TBC1D9: variants seen among roughly 807,000 people sequenced by gnomAD.
TBC1D9 encodes the protein TBC1 domain family member 9, also known as TBC1 domain family member 9A.
A neutral mutation model predicts 132.0 loss-of-function variants in TBC1D9; 63 were observed. That is an observed-to-expected ratio of 0.48 (90% CI 0.39 to 0.59). TBC1D9 has a LOEUF of 0.59. Among genes scored for constraint, TBC1D9 ranks in the 20% least tolerant of loss-of-function variants. TBC1D9 has a pLI of 0.00. For missense variants in TBC1D9, 1,261 were observed against 1,592.7 expected, an observed-to-expected ratio of 0.79 and a Z score of 3.54; for synonymous variants, 610 against 609.9, an observed-to-expected ratio of 1.00 and a Z score of 0.00.
chr4:140,701,861 A>G (rs899650339), intron 1 of TBC1D9, among the ~76,000 whole-genome samples: 2 of 152,140 alleles, frequency 1.3e-5, no homozygotes, highest in African/African-American at 4.8e-5. Flanking sequence ...TGTTATTTTC[A>G]TCTGCCCCAC....
intron 1 of TBC1D9, among the ~76,000 whole-genome samples, chr4:140,704,187 CAGG>C (rs1227805734): frequency 6.6e-6 from 1 of 151,968 alleles, no homozygotes; most frequent in Non-Finnish European, 1.5e-5. Flanking sequence ...CACTTGAGGC[CAGG>C]AGTTCAAGAC....
intron 13 of TBC1D9, among the ~76,000 whole-genome samples, chr4:140,646,994 C>T (rs1250645483): frequency 1.3e-5 from 2 of 152,150 alleles, no homozygotes; most frequent in Non-Finnish European, 2.9e-5. Flanking sequence ...GAAAGAAAAA[C>T]TTTCAAGGAA....
At chr4:140,725,125 G>A (rs1237647578) in intron 1 of TBC1D9, among the ~76,000 whole-genome samples, 1 of 152,100 alleles carries the variant, frequency 6.6e-6, no homozygotes, top group Non-Finnish European at 1.5e-5. Flanking sequence ...TATTGCAACA[G>A]TTTTATAGTA....
intron 1 of TBC1D9, among the ~76,000 whole-genome samples, chr4:140,727,669 C>T (rs185963526): frequency 1.3e-5 from 2 of 152,308 alleles, no homozygotes; most frequent in Admixed American, 1.3e-4. Context: ...TTGCTGAATA[C>T]AGTCTCTTAA....
chr4:140,624,442 G>GTAAGA (rs1736674502), intron 18 of TBC1D9, 54 bp from the exon 19 acceptor site: 1 of 1,502,558 alleles, frequency 6.7e-7, no homozygotes, highest in East Asian at 2.3e-5. Flanking sequence ...ATATGACCAT[G>GTAAGA]GAATTAGCAT....
chr4:140,725,756 C>T (rs1481757100), intron 1 of TBC1D9, among the ~76,000 whole-genome samples: 1 of 151,818 alleles, frequency 6.6e-6, no homozygotes, highest in African/African-American at 2.4e-5. Context: ...GAAAAAAGCA[C>T]GGTATGGAAA....
At chr4:140,711,752 T>C (rs891819544) in intron 1 of TBC1D9, among the ~76,000 whole-genome samples, 2 of 152,188 alleles carry the variant, frequency 1.3e-5, no homozygotes, top group African/African-American at 4.8e-5. Flanking sequence ...ACCTAGCATA[T>C]GAAAAACAGC....
At chr4:140,687,343 CATATATATATATATATATATAT>C (rs200090051) in intron 2 of TBC1D9, among the ~76,000 whole-genome samples, 1,401 of 37,874 alleles carry the variant, frequency 0.037, 49 homozygotes, top group African/African-American at 0.069. Context: ...GTGTGTGTGT[CATATATATATATATATATATAT>C]ATATATATAT....
Position 140,661,918 on chromosome 4 carries a change from C to A in TBC1D9, c.1778G>T (p.Arg593Leu). The A allele has an allele frequency of 1.2e-6, 2 of 1,613,800 alleles. No individual in the cohort carries two copies. Among genetic ancestry groups the A allele is most frequent in the East Asian group, 2.2e-5 (1 of 44,876 alleles). Residue 593 changes from arginine (R) to leucine (L), a missense_variant, in exon 10 of 21, where the codon CGA (arginine) becomes CTA (leucine). By Grantham distance (102) the Arg-to-Leu change is moderately radical (BLOSUM62 -2). This residue lies in a region of TBC1D9 where 93 missense variants were observed against 169.2 expected (regional missense o/e 0.55). Coordinates refer to ENST00000442267, the MANE Select transcript of TBC1D9 (RefSeq NM_015130.3). ...LRRVLTAYAF[R>L]NPNIGYCQAM... ...CTGGCAATACCCTATGTTGGGATTTCGAAAAGCATAAGCTGTTAAGACTCT... is the reference window on the plus strand; with the variant it reads ...CTGGCAATACCCTATGTTGGGATTTAGAAAAGCATAAGCTGTTAAGACTCT...
intron 1 of TBC1D9, among the ~76,000 whole-genome samples, chr4:140,755,150 C>T (rs1392683954): frequency 6.6e-6 from 1 of 152,122 alleles, no homozygotes; most frequent in Non-Finnish European, 1.5e-5. Context: ...TCCAATTTCT[C>T]TAGTATGGTA....
chr4:140,744,693 G>C (rs568823716), intron 1 of TBC1D9, among the ~76,000 whole-genome samples: 3 of 151,916 alleles, frequency 2.0e-5, no homozygotes, highest in Non-Finnish European at 4.4e-5. Flanking sequence ...AGACCAGCTT[G>C]ACTAACATAG....
chr4:140,703,343 A>G (rs1162336687), intron 1 of TBC1D9, among the ~76,000 whole-genome samples: 1 of 152,210 alleles, frequency 6.6e-6, no homozygotes, highest in African/African-American at 2.4e-5. Flanking sequence ...GGTTCTGGCC[A>G]TACCAAATAA....
At chr4:140,729,959 C>T (rs900765130) in intron 1 of TBC1D9, among the ~76,000 whole-genome samples, 2 of 152,060 alleles carry the variant, frequency 1.3e-5, no homozygotes, top group African/African-American at 4.8e-5. Context: ...TTGTCACCAC[C>T]CACTTTTCCA....
At chr4:140,724,315 C>A (rs2111061050) in intron 1 of TBC1D9, among the ~76,000 whole-genome samples, 1 of 152,198 alleles carries the variant, frequency 6.6e-6, no homozygotes, top group Admixed American at 6.5e-5. Context: ...GTTCAATAGG[C>A]AACTGGATAT....
intron 1 of TBC1D9, among the ~76,000 whole-genome samples, chr4:140,725,362 C>T (rs1738482384): frequency 1.3e-5 from 2 of 152,148 alleles, no homozygotes; most frequent in Non-Finnish European, 2.9e-5. Context: ...ATTGTGTGTT[C>T]AGAGTTCCAA....
At chr4:140,747,233 T>C (rs951269114) in intron 1 of TBC1D9, among the ~76,000 whole-genome samples, 11 of 151,884 alleles carry the variant, frequency 7.2e-5, no homozygotes, top group African/African-American at 2.7e-4. Flanking sequence ...GCACCTGTAG[T>C]CCTAGCTACT....
intron 16 of TBC1D9, among the ~76,000 whole-genome samples, chr4:140,632,489 T>C (rs964403701): frequency 1.3e-5 from 2 of 152,162 alleles, no homozygotes; most frequent in African/African-American, 4.8e-5. Context: ...TACAGAGTAG[T>C]GAGAAAAGGA....
chr4:140,698,324 A>G (rs1335421112), intron 2 of TBC1D9, among the ~76,000 whole-genome samples: 3 of 152,056 alleles, frequency 2.0e-5, no homozygotes, highest in Non-Finnish European at 2.9e-5. Flanking sequence ...CTCAATCCCC[A>G]TTCTTCACTT....
At chr4:140,644,189 G>T in intron 13 of TBC1D9, 1 of 341,114 alleles carries the variant, frequency 2.9e-6, no homozygotes, top group Non-Finnish European at 5.7e-6. Flanking sequence ...ACGGATACCT[G>T]GGCGGCATAT....
Sources: gnomAD v4.1 joint callset for allele counts (sites outside exome capture counted in the v4.1 genomes callset) on GRCh38, gnomAD v4.1.1 for gene constraint, gnomAD v4.1.1 regional missense constraint, MANE v1.5 for transcripts, NCBI Gene and HGNC (gene_info 2026-07-23, HGNC 2026-07-21) for gene names.